DMXL1: variants seen among roughly 807,000 people sequenced by gnomAD.
The protein encoded by DMXL1 is dmX-like protein 1.
In DMXL1, 99 loss-of-function variants were observed where a neutral mutation model predicts 319.2. The ratio of observed to expected loss-of-function variants is 0.31; its 90% confidence interval spans 0.26 to 0.37. DMXL1 has a LOEUF of 0.37. Ranked by LOEUF, DMXL1 falls within the 10% of genes least tolerant of loss-of-function variation. DMXL1 has a pLI of 1.00. For synonymous variants in DMXL1, 1,385 were observed against 1,235.2 expected (o/e 1.12, Z -2.54); for missense variants, 3,745 against 3,595.6 (o/e 1.04, Z -1.06).
intron 28 of DMXL1, among the ~76,000 whole-genome samples, chr5:119,182,621 A>ATAAGT (rs146422204): frequency 0.035 from 5,261 of 152,196 alleles, 233 homozygotes; most frequent in African/African-American, 0.11. Context: ...ATATTTAAAG[A>ATAAGT]TAAGCTTCAT....
chr5:119,164,895 GTA>G (rs1175367660), intron 20 of DMXL1, among the ~76,000 whole-genome samples: 1 of 145,796 alleles, frequency 6.9e-6, no homozygotes, highest in Admixed American at 6.8e-5. Context: ...CTTGTTAGTA[GTA>G]TATGTCTGAT....
chr5:119,150,114 G>A lies in DMXL1; in HGVS notation c.4287G>A (p.Glu1429=). Residue 1429 remains glutamate (E), a synonymous_variant, in exon 18 of 44, where the codon GAG becomes GAA. Coordinates refer to ENST00000539542, the MANE Select transcript of DMXL1 (RefSeq NM_001290321.3). Reference sequence around the variant, plus strand: ...CATCTTTGGAGAAATCTAGTAATGAGAGTACGTTAAGTAAATCAAACCAAT... The same window carrying A: ...CATCTTTGGAGAAATCTAGTAATGAAAGTACGTTAAGTAAATCAAACCAAT... ...CYSSLEKSSN[E]STLSKSNQLS... 6.2e-7 allele frequency: 1 copy of A among 1,613,738 alleles called. No homozygotes were observed. The highest frequency in any genetic ancestry group is 1.7e-4 in the Middle Eastern group (1 of 6,060).
chr5:119,122,154 C>G (rs1321127395), intron 9 of DMXL1, among the ~76,000 whole-genome samples: 2 of 139,096 alleles, frequency 1.4e-5, no homozygotes, highest in African/African-American at 5.4e-5. Context: ...CCCCACCTCC[C>G]TCCCAGACGG....
Position 119,171,766 on chromosome 5 carries a change from T to C in DMXL1, c.6490-12T>C. 3 of 1,596,744 alleles carry C rather than the reference T, an allele frequency of 1.9e-6. No individual in the cohort carries two copies. Among genetic ancestry groups the C allele is most frequent in the Non-Finnish European group, 2.6e-6 (3 of 1,172,306 alleles). On this transcript the variant is annotated splice_polypyrimidine_tract_variant and intron_variant, in intron 24 of 43. Transcript: ENST00000539542. ...ATAGTTGGTTAACCTTTTATCCCTC[T>C]TTGTTTTTAAGGAAACATCAGAACC...
intron 19 of DMXL1, among the ~76,000 whole-genome samples, chr5:119,164,152 C>G (rs1772911344): frequency 2.7e-5 from 4 of 150,926 alleles, no homozygotes; most frequent in Admixed American, 2.6e-4. Context: ...AAATGTTGAC[C>G]AAACAAAGGT....
At chr5:119,151,371 T>C (rs1455931731) in intron 18 of DMXL1, among the ~76,000 whole-genome samples, 1 of 152,276 alleles carries the variant, frequency 6.6e-6, no homozygotes, top group South Asian at 2.1e-4. Flanking sequence ...ATAGGGTAAA[T>C]TTAATATAAT....
intron 37 of DMXL1, among the ~76,000 whole-genome samples, chr5:119,224,042 C>A (rs923460628): frequency 6.6e-6 from 1 of 151,588 alleles, no homozygotes; most frequent in East Asian, 1.9e-4. Flanking sequence ...TTTTATTTAT[C>A]CCTCTTCTTT....
intron 25 of DMXL1, among the ~76,000 whole-genome samples, chr5:119,173,776 G>GTGTATGTATATATATATATATATA: frequency 1.5e-5 from 1 of 67,170 alleles, no homozygotes; most frequent in African/African-American, 5.6e-5. Flanking sequence ...ATGTGTGTGT[G>GTGTATGTATATATATATATATATA]TATATATATA....
chr5:119,182,453 G>T (rs2150335777), intron 28 of DMXL1, among the ~76,000 whole-genome samples: 1 of 152,136 alleles, frequency 6.6e-6, no homozygotes, highest in East Asian at 1.9e-4. Flanking sequence ...ATAAGTTTAG[G>T]TACTGTATTA....
chr5:119,148,700 C>A, intron 17 of DMXL1, 39 bp from the exon 18 acceptor site: 1 of 1,564,502 alleles, frequency 6.4e-7, no homozygotes, highest in Non-Finnish European at 8.7e-7. Flanking sequence ...AGTATTTAAC[C>A]AAATTTGACA....
chr5:119,113,346 A>G (rs1481095089), intron 5 of DMXL1, among the ~76,000 whole-genome samples: 2 of 152,072 alleles, frequency 1.3e-5, no homozygotes, highest in African/African-American at 2.4e-5. Context: ...GGTTCAAGCA[A>G]TTCTCCTGCC....
chr5:119,168,206 C>G (rs1212744478), intron 23 of DMXL1, among the ~76,000 whole-genome samples: 2 of 152,136 alleles, frequency 1.3e-5, no homozygotes, highest in Non-Finnish European at 2.9e-5. Context: ...AGAATTCTTA[C>G]AGTGAAAAAT....
intron 38 of DMXL1, 83 bp downstream of exon 38, chr5:119,224,852 AC>A: frequency 1.7e-6 from 1 of 585,050 alleles, no homozygotes; most frequent in Non-Finnish European, 2.7e-6. Context: ...ATGTGTGGGA[AC>A]CTTTTTGTTT....
chr5:119,107,136 A>T (rs941183585), intron 4 of DMXL1, among the ~76,000 whole-genome samples: 5 of 152,142 alleles, frequency 3.3e-5, no homozygotes, highest in African/African-American at 1.2e-4. Context: ...CAGGAGTTTG[A>T]GACCAGCCTG....
intron 35 of DMXL1, 66 bp from the exon 36 acceptor site, chr5:119,220,406 A>G (rs757475170): frequency 1.3e-6 from 2 of 1,486,882 alleles, no homozygotes; most frequent in East Asian, 2.3e-5. Flanking sequence ...ACCATTTTCA[A>G]AAGCAGCTCA....
chr5:119,095,078 C>G (rs1046731878), intron 1 of DMXL1, among the ~76,000 whole-genome samples: 30 of 151,944 alleles, frequency 2.0e-4, no homozygotes, highest in Admixed American at 1.7e-3. Flanking sequence ...TAGTCTTTAA[C>G]TCCTGGACCC....
intron 32 of DMXL1, among the ~76,000 whole-genome samples, 190 bp from the exon 33 acceptor site, chr5:119,203,129 A>G (rs1349054706): frequency 6.6e-6 from 1 of 152,012 alleles, no homozygotes; most frequent in Non-Finnish European, 1.5e-5. Context: ...CATATGGTCC[A>G]CAAAGCCTGA....
In DMXL1 at chr5:119,212,871, C is replaced by T. The variant is rs578029107; in HGVS notation, c.7927-4030C>T. ...CTGTATCATGTTCCTAGTTCCTTCC[C>T]TTCCCAGCTTAGATTTCATGATCCA... On this transcript the variant is annotated intron_variant, in intron 34 of 43. Transcript: ENST00000539542. 7.9e-5 allele frequency among the ~76,000 whole-genome samples: 12 copies of T among 152,198 alleles called. 1 individual carries two copies. The highest frequency in any genetic ancestry group is 7.9e-4 in the Admixed American group (12 of 15,274).
In DMXL1 at chr5:119,149,772, T is replaced by A; in HGVS notation, c.3945T>A (p.Ala1315=). The A allele has an allele frequency of 6.2e-7, 1 of 1,613,972 alleles. No homozygotes were observed. The highest frequency in any genetic ancestry group is 8.5e-7 in the Non-Finnish European group (1 of 1,179,928). The change falls in exon 18 of 44, where the codon GCT becomes GCA. Residue 1315 remains alanine (A), a synonymous_variant. Transcript: ENST00000539542. The stretch of plus-strand genomic sequence containing the variant: ...AAGATTCAGGTCTTTTTGAAGCAGC[T>A]CATGTACTTTCCCCGACTCTACCTC... ...DMEDSGLFEA[A]HVLSPTLPQY... is the part of the protein sequence containing the mutation.
Sources: allele counts gnomAD v4.1 joint callset (sites outside exome capture counted in the v4.1 genomes callset), GRCh38; gene constraint gnomAD v4.1.1; transcripts MANE v1.5; gene names NCBI Gene and HGNC (gene_info 2026-07-23, HGNC 2026-07-21).